Variants in GBP5 observed in about 807,000 individuals in gnomAD.
The protein encoded by GBP5 is guanylate binding protein 5, also known as guanylate-binding protein 5.
Under a neutral mutation model 58.2 loss-of-function variants are expected in GBP5, and 48 were observed. The ratio of observed to expected loss-of-function variants is 0.83; its 90% confidence interval spans 0.65 to 1.05. The LOEUF is 1.05. Among genes scored for constraint, GBP5 ranks in the 50% least tolerant of loss-of-function variants. The pLI is 0.00. For synonymous variants in GBP5, 248 were observed against 251.8 expected (o/e 0.98, Z 0.14); for missense variants, 714 against 686.8 (o/e 1.04, Z -0.44).
rs1373091722 is a variant in GBP5 at position 89,267,411 on chromosome 1, G to A, written c.428+6C>T. The A allele has an allele frequency of 6.3e-7, 1 of 1,591,706 alleles. No individual in the cohort carries two copies. Among genetic ancestry groups the A allele is most frequent in the Non-Finnish European group, 8.6e-7 (1 of 1,159,680 alleles). On this transcript the variant is annotated splice_donor_region_variant and intron_variant, in intron 5 of 11. Coordinates refer to ENST00000370459, the MANE Select transcript of GBP5 (RefSeq NM_052942.5). Reference sequence around the variant, plus strand: ...TTTGGTGCCATCCCATACCACAAAAGGATACTGCAGTAGGTCGATAGCACC... The same window carrying A: ...TTTGGTGCCATCCCATACCACAAAAAGATACTGCAGTAGGTCGATAGCACC...
At position 89,262,748 on chromosome 1, in the gene GBP5, T is replaced by TC. The variant is rs1650058631; in HGVS notation, c.1399dup (p.Glu467GlyfsTer11). On this transcript the variant is annotated frameshift_variant, in exon 10 of 12. Transcript: ENST00000370459. LOFTEE classifies it high-confidence loss of function. ...CTGTAATATTGCATGACTCACAGACTCCTTGGACTTTAAATATTTCTGCAG... is the reference window on the plus strand; with the variant it reads ...CTGTAATATTGCATGACTCACAGACTCCCTTGGACTTTAAATATTTCTGCAG... The TC allele has an allele frequency of 6.3e-7, 1 of 1,580,314 alleles. No individual in the cohort carries two copies. The highest frequency in any genetic ancestry group is 1.2e-5 in the South Asian group (1 of 85,660).
At position 89,267,561 on chromosome 1, in the gene GBP5, G is replaced by A. The variant is rs539087328; in HGVS notation, c.319-35C>T. ...AGACCAAATTTAAGTCATGTCTCAT[G>A]GGATTCCCAGATGAGCGATATTTAA... On this transcript the variant is annotated intron_variant, in intron 4 of 11. Transcript: ENST00000370459. The A allele has an allele frequency of 2.2e-4, 282 of 1,299,012 alleles. 2 individuals are homozygous for A. The South Asian group carries it at 3.2e-3, about 15-fold the overall frequency. 80.5% of individuals were successfully genotyped at this position (1,299,012 alleles called of 1,614,324 possible).
chr1:89,267,672 T>C (rs921895433), intron 4 of GBP5, 146 bp from the exon 5 acceptor site: 54 of 617,306 alleles, frequency 8.7e-5, no homozygotes, highest in African/African-American at 6.4e-4. Context: ...CTTGTTAACA[T>C]TGATAATTTT....
chr1:89,266,353 A>T lies in GBP5; in HGVS notation c.861T>A (p.Asn287Lys). 1 of 1,612,562 alleles carries T rather than the reference A, an allele frequency of 6.2e-7. No homozygotes were observed. Among genetic ancestry groups the T allele is most frequent in the Non-Finnish European group, 8.5e-7 (1 of 1,178,554 alleles). ...TKTLPGGIMV[N>K]GSRLKNLVLT... ...CCTAAAAATAATACTCACGAGATCC[A>T]TTGACCATGATGCCACCTGGAAGAG... The change falls in exon 7 of 12, where the codon AAT (asparagine) becomes AAA (lysine). Residue 287 changes from asparagine to lysine, a missense_variant. Coordinates refer to ENST00000370459, the MANE Select transcript of GBP5 (RefSeq NM_052942.5).
rs760634673 is a variant in GBP5 at position 89,264,992 on chromosome 1, A to G, written c.869-26T>C. The G allele has an allele frequency of 6.3e-6, 10 of 1,588,338 alleles. No homozygotes were observed. In the South Asian group the frequency reaches 8.9e-5, roughly 14 times the overall value. ...CTTCATGGAAGAAAGAAACATTTAT[A>G]TTATTTGCAAAGGAAGAAGACATGA... is the stretch of plus-strand genomic sequence containing the variant. On this transcript the variant is annotated intron_variant, in intron 7 of 11. Transcript: ENST00000370459.
chr1:89,266,647 T>C, intron 6 of GBP5, 59 bp from the exon 7 acceptor site: 1 of 1,422,404 alleles, frequency 7.0e-7, no homozygotes, highest in Non-Finnish European at 9.7e-7. Context: ...TTCATTTATT[T>C]ACCTTGAATA....
chr1:89,265,015 T>C, intron 7 of GBP5, 49 bp from the exon 8 acceptor site: 1 of 1,514,990 alleles, frequency 6.6e-7, no homozygotes, highest in Non-Finnish European at 9.1e-7. Context: ...GAAGAAGACA[T>C]GATTGATACA....
In GBP5 at chr1:89,269,389, T is replaced by C; in HGVS notation, c.167A>G (p.Asn56Ser). ...ACCCTTGTTCTTCCCAGCCAGCTTGTTCATCAGGTAGGATTTGCCAGTGCG... is the reference window on the plus strand; with the variant it reads ...ACCCTTGTTCTTCCCAGCCAGCTTGCTCATCAGGTAGGATTTGCCAGTGCG... Reference protein sequence around the residue: ...LYRTGKSYLMNKLAGKNKGFS... With the variant: ...LYRTGKSYLMSKLAGKNKGFS... The change falls in exon 3 of 12, where the codon AAC becomes AGC. Residue 56 changes from asparagine to serine, a missense_variant. Asn to Ser is a conservative substitution (Grantham distance 46, BLOSUM62 1). Transcript: ENST00000370459. 6.2e-7 allele frequency: 1 copy of C among 1,614,086 alleles called. No homozygotes were observed. Among genetic ancestry groups the C allele is most frequent in the East Asian group, 2.2e-5 (1 of 44,868 alleles).
Position 89,267,166 on chromosome 1 carries a change from T to C in GBP5, c.429-13A>G, listed in dbSNP as rs1023638812. ...TTCTGTCACATTGCTGAGATGCAAT[T>C]AAAGAAAACTGGCAGAAATAGGACC... On this transcript the variant is annotated splice_polypyrimidine_tract_variant and intron_variant, in intron 5 of 11. Coordinates refer to ENST00000370459, the MANE Select transcript of GBP5 (RefSeq NM_052942.5). 7 of 1,568,336 alleles carry C rather than the reference T, an allele frequency of 4.5e-6. No individual in the cohort carries two copies. Among genetic ancestry groups the C allele is most frequent in the Non-Finnish European group, 6.0e-6 (7 of 1,160,018 alleles).
Position 89,260,425 on chromosome 1 carries a change from G to A in GBP5, c.*279C>T, listed in dbSNP as rs1183506015. On this transcript the variant is annotated 3_prime_UTR_variant, in exon 12 of 12. Transcript: ENST00000370459. Reference sequence around the variant, plus strand: ...AGATGCAAGGAAAGCATCTCCTGATGAAACCATCCCAATATCACGCATAAA... The same window carrying A: ...AGATGCAAGGAAAGCATCTCCTGATAAAACCATCCCAATATCACGCATAAA... 3.8e-6 allele frequency: 1 copy of A among 261,558 alleles called. No individual in the cohort carries two copies. Among genetic ancestry groups the A allele is most frequent in the African/African-American group, 2.2e-5 (1 of 44,590 alleles). The allele number at this position is 261,558 out of a possible 1,614,324, so 16.2% of individuals were successfully genotyped here. A position where few individuals can be genotyped will look rare whatever the true frequency, so the allele number is the denominator to read the frequency against.
rs1005791202 is a variant in GBP5 at position 89,257,067 on chromosome 1, A to T, written c.*3637T>A. 6.6e-6 allele frequency among the ~76,000 whole-genome samples: 1 copy of T among 152,210 alleles called. No individual in the cohort carries two copies. Among genetic ancestry groups the T allele is most frequent in the Non-Finnish European group, 1.5e-5 (1 of 68,036 alleles). On this transcript the variant is annotated 3_prime_UTR_variant, in exon 12 of 12. Coordinates refer to ENST00000370459, the MANE Select transcript of GBP5 (RefSeq NM_052942.5). ...AATTCCTTCTAAATTTTAACACATT[A>T]TTCAGTATTTCTATGTTTTCCTAAG...
intron 11 of GBP5, 75 bp downstream of exon 11, chr1:89,262,145 T>G (rs1557500059): frequency 7.1e-7 from 1 of 1,414,938 alleles, no homozygotes; most frequent in Non-Finnish European, 9.9e-7. Context: ...AAGATCTTGC[T>G]GCCTCTCCCT....
chr1:89,266,852 AAT>A (rs150724949), intron 6 of GBP5, 103 bp downstream of exon 6: 30,970 of 543,644 alleles, frequency 0.057, no homozygotes, highest in South Asian at 0.079. Flanking sequence ...GAGCTGGGTG[AAT>A]ATATATATAT....
At position 89,264,552 on chromosome 1, in the gene GBP5, A is replaced by G. The variant is rs193172113; in HGVS notation, c.1149+134T>C. ...GTTTGCTCATTTGTTTTCAGAATAA[A>G]AGTGGTGTCATGGCTATATATTATT... On this transcript the variant is annotated intron_variant, in intron 8 of 11. Transcript: ENST00000370459. 540 of 748,392 alleles carry G rather than the reference A, an allele frequency of 7.2e-4. 4 individuals carry two copies. In the African/African-American group the frequency reaches 8.7e-3, roughly 12 times the overall value. The allele number at this position is 748,392 out of a possible 1,614,324, so 46.4% of individuals were successfully genotyped here.
At chr1:89,269,221 C>T in intron 3 of GBP5, 145 bp downstream of exon 3, 3 of 798,154 alleles carry the variant, frequency 3.8e-6, no homozygotes, top group Non-Finnish European at 5.9e-6. Context: ...CTTCATCTTC[C>T]AAAAGATAAA....
At position 89,269,248 on chromosome 1, in the gene GBP5, T is replaced by TA. The variant is rs896187972; in HGVS notation, c.190+117dup. The stretch of plus-strand genomic sequence containing the variant: ...AAAGATAAAAAGACCAGCTGTAGCC[T>TA]AAACATTGGCTTTTAATATTCATCC... On this transcript the variant is annotated intron_variant, in intron 3 of 11. Coordinates refer to ENST00000370459, the MANE Select transcript of GBP5 (RefSeq NM_052942.5). 3.9e-6 allele frequency: 4 copies of TA among 1,021,176 alleles called. No homozygotes were observed. The African/African-American group carries it at 6.4e-5, about 16-fold the overall frequency. 63.3% of individuals were successfully genotyped at this position (1,021,176 alleles called of 1,614,324 possible).
At position 89,257,320 on chromosome 1, in the gene GBP5, T is replaced by C. The variant is rs1196877685; in HGVS notation, c.*3384A>G. On this transcript the variant is annotated 3_prime_UTR_variant, in exon 12 of 12. Transcript: ENST00000370459. ...ATCAGATCTCAGGCGACTTATTCAC[T>C]ATCATGAAAAAAGCACATGAAAACC... 6.6e-6 allele frequency among the ~76,000 whole-genome samples: 1 copy of C among 152,172 alleles called. No homozygotes were observed. Among genetic ancestry groups the C allele is most frequent in the African/African-American group, 2.4e-5 (1 of 41,440 alleles).
chr1:89,266,257 T>A, intron 7 of GBP5, 89 bp downstream of exon 7: 1 of 1,155,284 alleles, frequency 8.7e-7, no homozygotes, highest in Non-Finnish European at 1.2e-6. Context: ...TATGCATTTG[T>A]CAACATTGAC....
intron 8 of GBP5, among the ~76,000 whole-genome samples, chr1:89,264,402 T>C (rs1650126499): frequency 6.6e-6 from 1 of 152,202 alleles, no homozygotes; most frequent in South Asian, 2.1e-4. Context: ...AAAGAAAATT[T>C]AATACTTTGT....
Sources: gnomAD v4.1 joint callset for allele counts (sites outside exome capture counted in the v4.1 genomes callset) on GRCh38, gnomAD v4.1.1 for gene constraint, MANE v1.5 for transcripts, NCBI Gene and HGNC (gene_info 2026-07-23, HGNC 2026-07-21) for gene names.